The following TRAP1 variants were observed in gnomAD, a reference collection of about 807,000 sequenced individuals.
TRAP1 encodes TNF receptor associated protein 1.
A neutral mutation model predicts 89.1 loss-of-function variants in TRAP1; 102 were observed. The ratio of observed to expected loss-of-function variants is 1.15; its 90% CI spans 0.98 to 1.35. The LOEUF is 1.35. Among genes scored for constraint, TRAP1 ranks in the 40% most tolerant of loss-of-function variants. TRAP1 has a pLI of 0.00. For missense variants in TRAP1, 1,256 were observed against 945.3 expected (o/e 1.33, Z -4.31); for synonymous variants, 508 against 388.0 (o/e 1.31, Z -3.64).
At chr16:3,692,278 G>A (rs868777145) in intron 1 of TRAP1, among the ~76,000 whole-genome samples, 4 of 152,162 alleles carry the variant, frequency 2.6e-5, no homozygotes, top group African/African-American at 4.8e-5. Context: ...GCTCACGCCC[G>A]TAAACCCAGC....
intron 11 of TRAP1, among the ~76,000 whole-genome samples, chr16:3,666,644 A>G (rs1294689114): frequency 6.6e-6 from 1 of 152,188 alleles, no homozygotes; most frequent in East Asian, 1.9e-4. Context: ...AAAAATCCCA[A>G]TGTGGGTAAA....
chr16:3,667,654 A>T (rs2050854211), intron 11 of TRAP1, among the ~76,000 whole-genome samples: 1 of 151,482 alleles, frequency 6.6e-6, no homozygotes, highest in African/African-American at 2.4e-5. Flanking sequence ...AATAAATAAA[A>T]ATAAAAAAAT....
intron 1 of TRAP1, among the ~76,000 whole-genome samples, chr16:3,702,277 C>A (rs2051376590): frequency 4.0e-5 from 6 of 151,630 alleles, no homozygotes; most frequent in Admixed American, 3.9e-4. Flanking sequence ...CTAAGTGGAC[C>A]CAGCAAACAC....
chr16:3,662,954 T>G lies in TRAP1; in HGVS notation c.1722A>C (p.Leu574=), dbSNP rs749986848. 16 of 1,611,028 alleles carry G rather than the reference T, an allele frequency of 9.9e-6. No individual in the cohort carries two copies. In the African/African-American group the frequency reaches 1.3e-4, roughly 13 times the overall value. The change falls in exon 15 of 18, where the codon CTA becomes CTC. Residue 574 remains leucine (L), a synonymous_variant. Transcript: ENST00000246957. ...FEDRSPAAEC[L]SEKETEELMA... is the part of the protein sequence containing the mutation. ...TGAGCTCCTCCGTCTCCTTCTCTGA[T>G]AGGCACTCGGCGGCTGCGGAAGAGC...
At chr16:3,703,871 C>T (rs976362708) in intron 1 of TRAP1, among the ~76,000 whole-genome samples, 2 of 151,476 alleles carry the variant, frequency 1.3e-5, no homozygotes, top group Non-Finnish European at 2.9e-5. Flanking sequence ...AAAAATTAGC[C>T]GGGCGTGGTG....
At position 3,704,642 on chromosome 16, in the gene TRAP1, C is replaced by G. The variant is rs368551044; in HGVS notation, c.88+12779G>C. ...AGGCAGGAGGAGGCTCCCTCGAGCT[C>G]AGGAGCTCGAGGCCAGCCTAGGTAA... On this transcript the variant is annotated intron_variant, in intron 1 of 17. Transcript: ENST00000246957. Among the ~76,000 whole-genome samples the G allele has an allele frequency of 6.2e-4, 94 of 151,936 alleles. 1 individual carries two copies. The East Asian group carries it at 0.018, about 29-fold the overall frequency.
At chr16:3,694,348 C>T (rs1343709122) in intron 1 of TRAP1, among the ~76,000 whole-genome samples, 2 of 141,272 alleles carry the variant, frequency 1.4e-5, no homozygotes, top group African/African-American at 2.5e-5. Flanking sequence ...ACGTATCTTT[C>T]TCTTTTTTTT....
rs1049863556 is a variant in TRAP1, at chr16:3,658,131, A to G, written c.2113T>C (p.Ter705ArgextTer8). The G allele has an allele frequency of 5.6e-6, 9 of 1,613,836 alleles. No individual in the cohort carries two copies. In the African/African-American group the frequency reaches 8.0e-5, roughly 14 times the overall value. The change falls in exon 18 of 18, where the codon TGA becomes CGA. Residue 705 changes from the stop codon to arginine, a stop_lost. Transcript: ENST00000246957. ...CAGTCCTTCTGGCCCCCTGGCTGTC[A>G]GTGTCGCTCCAGGGCCTTGACAAGC... ...ELLVKALERH* is the reference protein window; with the variant it reads ...ELLVKALERHR
chr16:3,665,690 C>T (rs1371534231), intron 12 of TRAP1, among the ~76,000 whole-genome samples: 2 of 152,210 alleles, frequency 1.3e-5, no homozygotes, highest in Non-Finnish European at 2.9e-5. Context: ...ACAGTGTGTG[C>T]ACGCCCTCTT....
At chr16:3,667,794 T>C (rs2050856456) in intron 11 of TRAP1, among the ~76,000 whole-genome samples, 1 of 151,086 alleles carries the variant, frequency 6.6e-6, no homozygotes, top group Admixed American at 6.6e-5. Flanking sequence ...ATCTTGCTCT[T>C]GTCCCCCAGG....
At chr16:3,662,847 G>T in intron 15 of TRAP1, 35 bp downstream of exon 15, 1 of 1,607,658 alleles carries the variant, frequency 6.2e-7, no homozygotes, top group Non-Finnish European at 8.5e-7. Flanking sequence ...GGGACACTGC[G>T]GCCAAGTGGT....
chr16:3,691,918 G>C (rs2051219501), intron 1 of TRAP1, among the ~76,000 whole-genome samples: 1 of 152,142 alleles, frequency 6.6e-6, no homozygotes, highest in African/African-American at 2.4e-5. Context: ...AGCCCAGCGA[G>C]GGAGGAAAGC....
intron 1 of TRAP1, among the ~76,000 whole-genome samples, chr16:3,693,901 G>A (rs990131143): frequency 3.3e-5 from 5 of 152,038 alleles, no homozygotes; most frequent in Admixed American, 6.6e-5. Flanking sequence ...GCTGAGGTGG[G>A]AAGATCACTT....
intron 11 of TRAP1, among the ~76,000 whole-genome samples, chr16:3,669,572 C>T (rs2050882665): frequency 1.3e-5 from 2 of 151,960 alleles, no homozygotes; most frequent in East Asian, 3.9e-4. Context: ...CGGTGGCTCA[C>T]ACCTGTAATC....
chr16:3,703,831 C>T (rs1050095876), intron 1 of TRAP1, among the ~76,000 whole-genome samples: 3 of 150,586 alleles, frequency 2.0e-5, no homozygotes, highest in Admixed American at 6.6e-5. Flanking sequence ...CTGGCTAACA[C>T]GGTGAAAGCC....
At chr16:3,665,906 CA>C in intron 12 of TRAP1, 64 bp downstream of exon 12, 1 of 1,563,186 alleles carries the variant, frequency 6.4e-7, no homozygotes, top group Non-Finnish European at 8.6e-7. Context: ...ACACCTCCAC[CA>C]GCTTCCTCAG....
intron 4 of TRAP1, among the ~76,000 whole-genome samples, chr16:3,682,276 C>A (rs531504284): frequency 1.3e-5 from 2 of 150,748 alleles, no homozygotes; most frequent in African/African-American, 2.4e-5. Context: ...TAGGGCTGGA[C>A]ACAACAGCTC....
chr16:3,696,037 C>T (rs909442613), intron 1 of TRAP1, among the ~76,000 whole-genome samples: 5 of 152,188 alleles, frequency 3.3e-5, no homozygotes, highest in African/African-American at 7.2e-5. Context: ...TCCACTGACG[C>T]GTGACAGGGC....
At chr16:3,715,229 G>C (rs990780209) in intron 1 of TRAP1, among the ~76,000 whole-genome samples, 5 of 152,178 alleles carry the variant, frequency 3.3e-5, no homozygotes, top group Admixed American at 2.6e-4. Flanking sequence ...ACGAGGTCAG[G>C]AGATCGAGAC....
Sources: allele counts gnomAD v4.1 joint callset (sites outside exome capture counted in the v4.1 genomes callset), GRCh38; gene constraint gnomAD v4.1.1; transcripts MANE v1.5; gene names NCBI Gene and HGNC (gene_info 2026-07-23, HGNC 2026-07-21).